Variants in MPDZ observed in about 807,000 individuals in gnomAD.
MPDZ encodes multiple PDZ domain protein.
MPDZ carries 234 observed loss-of-function variants against 239.1 expected under a neutral mutation model. The ratio of observed to expected loss-of-function variants is 0.98; its 90% CI spans 0.88 to 1.09. The LOEUF is 1.09. Ranked by LOEUF, MPDZ falls within the 50% of genes least tolerant of loss-of-function variation. MPDZ has a pLI of 0.00. For missense variants in MPDZ, 3,175 were observed against 2,510.0 expected (o/e 1.26, Z -5.66); for synonymous variants, 1,048 against 881.3 (o/e 1.19, Z -3.35).
chr9:13,237,833 A>G (rs1416326096), intron 3 of MPDZ, among the ~76,000 whole-genome samples: 1 of 152,198 alleles, frequency 6.6e-6, no homozygotes, highest in Non-Finnish European at 1.5e-5. Context: ...ATCAGCAAGT[A>G]TAACTTTTGT....
At chr9:13,197,745 C>A (rs1367187076) in intron 12 of MPDZ, among the ~76,000 whole-genome samples, 1 of 152,006 alleles carries the variant, frequency 6.6e-6, no homozygotes, top group Non-Finnish European at 1.5e-5. Context: ...AATACCTCTT[C>A]ATCCCACCCC....
chr9:13,223,737 A>C, intron 4 of MPDZ, 27 bp from the exon 5 acceptor site: 3 of 1,556,334 alleles, frequency 1.9e-6, no homozygotes, highest in Non-Finnish European at 2.6e-6. Flanking sequence ...GCAAGAAATA[A>C]AACTAAAAGC....
chr9:13,188,846 C>T lies in MPDZ; in HGVS notation c.2302G>A (p.Val768Ile), dbSNP rs1422353274. The T allele has an allele frequency of 7.4e-6, 12 of 1,613,492 alleles. No individual in the cohort carries two copies. Among genetic ancestry groups the T allele is most frequent in the Non-Finnish European group, 9.3e-6 (11 of 1,179,608 alleles). The change falls in exon 17 of 47, where the codon GTA becomes ATA. Residue 768 changes from valine to isoleucine, a missense_variant. Coordinates refer to ENST00000319217, the MANE Select transcript of MPDZ (RefSeq NM_001378778.1). The stretch of plus-strand genomic sequence containing the variant: ...GACGGTGCTCCCTTCAGTGCTTCTA[C>T]AGCTTCCTCAAGACTGCTGTTTTCC... ...NLENSSLEEA[V>I]EALKGAPSGT... is the part of the protein sequence containing the mutation.
At position 13,106,327 on chromosome 9, in the gene MPDZ, T is replaced by A. The variant is rs1249666561; in HGVS notation, c.*638A>T. ...AATTTCTTTATAAAATTTAGGGACA[T>A]TGCTTCATGTATTTGCCATTTACTC... On this transcript the variant is annotated 3_prime_UTR_variant, in exon 47 of 47. Transcript: ENST00000319217. The A allele has an allele frequency of 6.6e-6, 1 of 152,290 alleles. No individual in the cohort carries two copies. The highest frequency in any genetic ancestry group is 6.5e-5 in the Admixed American group (1 of 15,282). The allele number at this position is 152,290 out of a possible 1,614,324, so 9.4% of individuals were successfully genotyped here.
At chr9:13,169,962 A>G (rs981848773) in intron 21 of MPDZ, among the ~76,000 whole-genome samples, 4 of 152,164 alleles carry the variant, frequency 2.6e-5, no homozygotes, top group African/African-American at 7.2e-5. Flanking sequence ...AACAGACTCT[A>G]TCTGAATTAA....
chr9:13,136,680 T>A, intron 30 of MPDZ, 32 bp downstream of exon 30: 1 of 1,329,562 alleles, frequency 7.5e-7, no homozygotes, highest in Non-Finnish European at 1.1e-6. Flanking sequence ...TAACAAAAAG[T>A]ATTTGGTAAA....
Position 13,123,143 on chromosome 9 carries a change from T to TG in MPDZ, c.4953+9dup, listed in dbSNP as rs760889454. 20 of 1,609,354 alleles carry TG rather than the reference T, an allele frequency of 1.2e-5. No homozygotes were observed. Among genetic ancestry groups the TG allele is most frequent in the Admixed American group, 1.7e-5 (1 of 59,900 alleles). On this transcript the variant is annotated intron_variant, in intron 36 of 46. Coordinates refer to ENST00000319217, the MANE Select transcript of MPDZ (RefSeq NM_001378778.1). ...CGGCCTGTACAGAAGCACCTCTGGG[T>TG]GGTGCTCACCAGCAGCGTGTCTGAA...
Position 13,224,366 on chromosome 9 carries a change from G to T in MPDZ, c.393+8C>A. ...ATTACAATAACTAACAGAAAGAAATGTTCTTACCTGGGCCATATTTTTGAT... is the reference window on the plus strand; with the variant it reads ...ATTACAATAACTAACAGAAAGAAATTTTCTTACCTGGGCCATATTTTTGAT... On this transcript the variant is annotated splice_region_variant and intron_variant, in intron 4 of 46. Transcript: ENST00000319217. The T allele has an allele frequency of 6.2e-7, 1 of 1,605,288 alleles. No individual in the cohort carries two copies. The highest frequency in any genetic ancestry group is 8.5e-7 in the Non-Finnish European group (1 of 1,173,926).
intron 35 of MPDZ, 119 bp downstream of exon 35, chr9:13,125,097 C>G (rs1418945996): frequency 2.2e-6 from 2 of 919,172 alleles, no homozygotes; most frequent in Non-Finnish European, 3.2e-6. Flanking sequence ...CATAGGGCTC[C>G]CTGACTACAA....
chr9:13,150,676 C>G lies in MPDZ; in HGVS notation c.3465G>C (p.Trp1155Cys), dbSNP rs1949046769. 2.2e-6 allele frequency: 3 copies of G among 1,377,604 alleles called. No individual in the cohort carries two copies. Among genetic ancestry groups the G allele is most frequent in the Non-Finnish European group, 2.8e-6 (3 of 1,055,312 alleles). 85.3% of individuals were successfully genotyped at this position (1,377,604 alleles called of 1,614,324 possible). Reference sequence around the variant, plus strand: ...TGCCTAAGGATTTGCTTGGTTCTCTCCAGAGTTCCACCCTAAAAAATAAAT... The same window carrying G: ...TGCCTAAGGATTTGCTTGGTTCTCTGCAGAGTTCCACCCTAAAAAATAAAT... ...NWNQPRRVEL[W>C]REPSKSLGIS... The change falls in exon 25 of 47, where the codon TGG becomes TGC. Residue 1155 changes from tryptophan (W) to cysteine (C), a missense_variant. By Grantham distance (215) the Trp-to-Cys change is radical. Coordinates refer to ENST00000319217, the MANE Select transcript of MPDZ (RefSeq NM_001378778.1).
intron 3 of MPDZ, among the ~76,000 whole-genome samples, chr9:13,234,991 T>C (rs897941113): frequency 2.1e-4 from 32 of 152,104 alleles, no homozygotes; most frequent in African/African-American, 7.0e-4. Flanking sequence ...CCAAACATGA[T>C]AGCAATCACA....
At chr9:13,218,087 T>C (rs892988326) in intron 8 of MPDZ, among the ~76,000 whole-genome samples, 2 of 151,878 alleles carry the variant, frequency 1.3e-5, no homozygotes, top group African/African-American at 4.8e-5. Context: ...TAGATTCTAA[T>C]GGACAGTCAG....
chr9:13,176,132 T>C lies in MPDZ; in HGVS notation c.2931+4A>G, dbSNP rs373088342. 1.9e-6 allele frequency: 3 copies of C among 1,578,082 alleles called. No homozygotes were observed. The highest frequency in any genetic ancestry group is 2.6e-6 in the Non-Finnish European group (3 of 1,160,606). ...AAACACAAACCATATCTTTAAAATA[T>C]TACCTTTCCAGCTGAATCGGGTAGC... On this transcript the variant is annotated splice_donor_region_variant and intron_variant, in intron 20 of 46. Coordinates refer to ENST00000319217, the MANE Select transcript of MPDZ (RefSeq NM_001378778.1).
At position 13,188,839 on chromosome 9, in the gene MPDZ, G is replaced by A. The variant is rs776368379; in HGVS notation, c.2309C>T (p.Ala770Val). The A allele has an allele frequency of 2.5e-6, 4 of 1,613,398 alleles. No individual in the cohort carries two copies. In the South Asian group the frequency reaches 3.3e-5, roughly 13 times the overall value. Reference sequence around the variant, plus strand: ...AGTCCCTGACGGTGCTCCCTTCAGTGCTTCTACAGCTTCCTCAAGACTGCT... The same window carrying A: ...AGTCCCTGACGGTGCTCCCTTCAGTACTTCTACAGCTTCCTCAAGACTGCT... The part of the protein sequence containing the change: ...ENSSLEEAVE[A>V]LKGAPSGTVR... Residue 770 changes from alanine to valine, a missense_variant, in exon 17 of 47, where the codon GCA becomes GTA. By Grantham distance (64) the Ala-to-Val change is moderately conservative. Transcript: ENST00000319217.
chr9:13,268,152 T>TTATATATATATATA (rs71491605), intron 1 of MPDZ, among the ~76,000 whole-genome samples: 3 of 146,904 alleles, frequency 2.0e-5, no homozygotes, highest in Admixed American at 6.8e-5. Flanking sequence ...AAAAGGAAAA[T>TTATATATATATATA]TATATATATA....
In MPDZ at chr9:13,143,517, G is replaced by C. The variant is rs757680539; in HGVS notation, c.3789C>G (p.Asn1263Lys). 1 of 1,612,968 alleles carries C rather than the reference G, an allele frequency of 6.2e-7. No individual in the cohort carries two copies. Among genetic ancestry groups the C allele is most frequent in the African/African-American group, 1.3e-5 (1 of 74,852 alleles). Reference sequence around the variant, plus strand: ...CAGCAAATGGGTTAGTGCTGCTGAAGTTGTACTTAGGGTAAAGGTTGTGCA... The same window carrying C: ...CAGCAAATGGGTTAGTGCTGCTGAACTTGTACTTAGGGTAAAGGTTGTGCA... ...SLLHNLYPKY[N>K]FSSTNPFADS... Residue 1263 changes from asparagine to lysine, a missense_variant, in exon 27 of 47, where the codon AAC (asparagine) becomes AAG (lysine). Physicochemically the swap from Asn to Lys is moderately conservative, Grantham distance 94. Coordinates refer to ENST00000319217, the MANE Select transcript of MPDZ (RefSeq NM_001378778.1).
At chr9:13,149,138 T>C (rs745376826) in intron 25 of MPDZ, among the ~76,000 whole-genome samples, 30 of 151,790 alleles carry the variant, frequency 2.0e-4, no homozygotes, top group South Asian at 2.1e-4. Context: ...TATCATCTAA[T>C]GAAAGAATGC....
chr9:13,157,948 G>C (rs1167206213), intron 24 of MPDZ, 70 bp downstream of exon 24: 3 of 1,358,404 alleles, frequency 2.2e-6, no homozygotes, highest in Non-Finnish European at 3.1e-6. Context: ...TCCAGTACTT[G>C]AAACCACACC....
chr9:13,251,320 CCATT>C (rs1239313488), intron 1 of MPDZ, among the ~76,000 whole-genome samples: 4 of 152,024 alleles, frequency 2.6e-5, no homozygotes, highest in Non-Finnish European at 5.9e-5. Context: ...CTCCTCTTTC[CCATT>C]CAAAGAAATC....
Sources: allele counts gnomAD v4.1 joint callset (sites outside exome capture counted in the v4.1 genomes callset), GRCh38; gene constraint gnomAD v4.1.1; transcripts MANE v1.5; gene names NCBI Gene and HGNC (gene_info 2026-07-23, HGNC 2026-07-21).